B9D1: variants seen among roughly 807,000 people sequenced by gnomAD.
The protein encoded by B9D1 is B9 domain-containing protein 1.
In B9D1, 20 loss-of-function variants were observed where a neutral mutation model predicts 26.1. The observed-to-expected ratio is 0.77, with a 90% CI of 0.54 to 1.12. The LOEUF (loss-of-function observed/expected upper bound fraction) is 1.12, where lower values mean the gene tolerates loss of function less well. Ranked by LOEUF, B9D1 falls within the 50% of genes most tolerant of loss-of-function variation. The pLI, the probability that B9D1 is intolerant of heterozygous loss-of-function variation, is 0.00. For synonymous variants in B9D1, 105 were observed against 103.1 expected (o/e 1.02, Z -0.11); for missense variants, 260 against 273.7 (o/e 0.95, Z 0.35).
downstream of B9D1, chr17:19,341,399 CGTG>C (rs1567879032): frequency 4.6e-6 from 5 of 1,090,384 alleles, no homozygotes; most frequent in African/African-American, 6.5e-5. Flanking sequence ...TCCCATGACA[CGTG>C]GGGCACATGT....
At chr17:19,338,142 G>T (rs1284388960), downstream of B9D1, among the ~76,000 whole-genome samples, 2 of 152,244 alleles carry the variant, frequency 1.3e-5, no homozygotes, top group African/African-American at 2.4e-5. Context: ...CAGGGCAGGG[G>T]TCAGTACCCA....
At chr17:19,363,226 TAAAC>T (rs1911364086), upstream of B9D1, among the ~76,000 whole-genome samples, 1 of 152,192 alleles carries the variant, frequency 6.6e-6, no homozygotes, top group African/African-American at 2.4e-5. Context: ...AAAAGTTTAT[TAAAC>T]AAACTTGGGA....
At chr17:19,362,837 G>T, upstream of B9D1, 1 of 924,730 alleles carries the variant, frequency 1.1e-6, no homozygotes, top group Non-Finnish European at 1.6e-6. Flanking sequence ...GGGCGGGAGC[G>T]TTGACCTGTC....
rs752718131 is a variant in B9D1 at position 19,347,824 on chromosome 17, G to A, written c.301C>T (p.Arg101Ter). Residue 101 changes from arginine to a stop codon, truncating the protein, a stop_gained, in exon 4 of 7, where the codon CGA becomes TGA. Transcript: ENST00000261499. LOFTEE classifies it high-confidence loss of function. This position sits in a 1 kb window ranked among gnomAD's most constrained non-coding sequence, Gnocchi z 4.3. ...GGCACGTGCACGGCCCCATAGCCTCGAACCACATCGTTCCCGAACACATCT... is the reference window on the plus strand; with the variant it reads ...GGCACGTGCACGGCCCCATAGCCTCAAACCACATCGTTCCCGAACACATCT... ...GPDVFGNDVVRGYGAVHVPFS... is the reference protein window; with the variant it reads ...GPDVFGNDVV 6 of 1,614,072 alleles carry A rather than the reference G, an allele frequency of 3.7e-6. No individual in the cohort carries two copies. Among genetic ancestry groups the A allele is most frequent in the South Asian group, 3.3e-5 (3 of 91,066 alleles).
chr17:19,373,277 C>T (rs1911977195), intron 1 of B9D1, among the ~76,000 whole-genome samples: 1 of 152,208 alleles, frequency 6.6e-6, no homozygotes, highest in African/African-American at 2.4e-5. Flanking sequence ...TCTCAAAGCA[C>T]ATCAGCACCC....
chr17:19,361,317 T>G (rs998912299), intron 1 of B9D1, among the ~76,000 whole-genome samples: 1 of 152,142 alleles, frequency 6.6e-6, no homozygotes, highest in African/African-American at 2.4e-5. Context: ...CACCTGGTTT[T>G]CCACAAAACC....
chr17:19,353,729 TCA>T (rs1350497539), intron 3 of B9D1, among the ~76,000 whole-genome samples: 1 of 152,014 alleles, frequency 6.6e-6, no homozygotes, highest in African/African-American at 2.4e-5. Context: ...TCATTTGAGG[TCA>T]GGAGTTCGAG....
At chr17:19,345,437 A>G (rs1016999615) in intron 5 of B9D1, among the ~76,000 whole-genome samples, 3 of 152,166 alleles carry the variant, frequency 2.0e-5, no homozygotes, top group Non-Finnish European at 4.4e-5. Flanking sequence ...TAGTCCTGGG[A>G]AACCGTGCAC....
chr17:19,347,704 CT>C lies in B9D1; in HGVS notation c.341+79del. The C allele has an allele frequency of 5.6e-6, 8 of 1,420,734 alleles. No homozygotes were observed. The highest frequency in any genetic ancestry group is 7.8e-6 in the Non-Finnish European group (8 of 1,021,242). The allele number at this position is 1,420,734 out of a possible 1,614,324, so 88.0% of individuals were successfully genotyped here. ...CTGGAGACCCCAGAGCATTCCCAGCCTGAACCTAAGACAGAAAACGAGGTGA... is the reference window on the plus strand; with the variant it reads ...CTGGAGACCCCAGAGCATTCCCAGCCGAACCTAAGACAGAAAACGAGGTGA... On this transcript the variant is annotated intron_variant, in intron 4 of 6. Transcript: ENST00000261499. The surrounding 1 kb of genome is among the most constrained non-coding windows in gnomAD (Gnocchi z 4.3).
Position 19,343,197 on chromosome 17 carries a change from A to G in B9D1, c.*122T>C. The G allele has an allele frequency of 6.6e-7, 1 of 1,522,678 alleles. No individual in the cohort carries two copies. The highest frequency in any genetic ancestry group is 8.8e-7 in the Non-Finnish European group (1 of 1,142,536). 94.3% of individuals were successfully genotyped at this position (1,522,678 alleles called of 1,614,324 possible). A position where few individuals can be genotyped will look rare whatever the true frequency, so the allele number is the denominator to read the frequency against. On this transcript the variant is annotated 3_prime_UTR_variant, in exon 7 of 7. Transcript: ENST00000261499. Reference sequence around the variant, plus strand: ...GGCTCTCTGAAAATGAGACTTTATTATACAAAACTATTCTGTGTGCCCCCA... The same window carrying G: ...GGCTCTCTGAAAATGAGACTTTATTGTACAAAACTATTCTGTGTGCCCCCA...
At chr17:19,341,105 AT>A, downstream of B9D1, 1 of 1,225,094 alleles carries the variant, frequency 8.2e-7, no homozygotes, top group Non-Finnish European at 1.0e-6. Context: ...CATTTCAGTA[AT>A]GTTGAGAAAA....
intron 6 of B9D1, 52 bp downstream of exon 6, chr17:19,343,738 C>A (rs976630165): frequency 8.7e-6 from 14 of 1,613,098 alleles, no homozygotes; most frequent in Non-Finnish European, 1.2e-5. Context: ...CACCCACTCC[C>A]AGGCTGTAAC....
At chr17:19,351,285 A>T (rs1226035815) in intron 3 of B9D1, among the ~76,000 whole-genome samples, 3 of 152,078 alleles carry the variant, frequency 2.0e-5, no homozygotes, top group Non-Finnish European at 4.4e-5. Flanking sequence ...CCAACTATAG[A>T]TGTCATAAAA....
chr17:19,365,797 G>A (rs1911561423), upstream of B9D1, among the ~76,000 whole-genome samples: 1 of 152,000 alleles, frequency 6.6e-6, no homozygotes, highest in Admixed American at 6.6e-5. The surrounding 1 kb of genome is among the most constrained non-coding windows in gnomAD (Gnocchi z 5.0). Context: ...GTTGTTGTGA[G>A]GATTAAATGT....
downstream of B9D1, chr17:19,343,146 C>T (rs781361422): frequency 1.4e-6 from 2 of 1,439,478 alleles, no homozygotes; most frequent in Admixed American, 5.4e-5. Flanking sequence ...AGGGGCTAAA[C>T]AGGAGAGAAG....
At chr17:19,362,907 T>A, upstream of B9D1, 1 of 428,680 alleles carries the variant, frequency 2.3e-6, no homozygotes, top group African/African-American at 2.0e-5. Flanking sequence ...GTGTTCACTC[T>A]GACTCGGCCC....
intron 3 of B9D1, 56 bp downstream of exon 3, chr17:19,357,784 G>T: frequency 1.6e-6 from 2 of 1,265,174 alleles, no homozygotes; most frequent in Non-Finnish European, 1.2e-6. Context: ...AGGCTGTCTT[G>T]GGGGTGCTGT....
chr17:19,347,201 G>A lies in B9D1; in HGVS notation c.404+68C>T, dbSNP rs964788767. The A allele has an allele frequency of 2.5e-6, 4 of 1,614,056 alleles. No homozygotes were observed. In the African/African-American group the frequency reaches 5.3e-5, roughly 22 times the overall value. ...GAGGAGGCGACCAGGCACAAACTGA[G>A]GGGTAGAATGGGACATCCATTCATC... is the stretch of plus-strand genomic sequence containing the variant. On this transcript the variant is annotated intron_variant, in intron 5 of 6. Coordinates refer to ENST00000261499, the MANE Select transcript of B9D1 (RefSeq NM_015681.6). This position sits in a 1 kb window ranked among gnomAD's most constrained non-coding sequence, Gnocchi z 4.3.
upstream of B9D1, among the ~76,000 whole-genome samples, chr17:19,366,232 G>A (rs1366223702): frequency 6.6e-6 from 1 of 151,712 alleles, no homozygotes; most frequent in Non-Finnish European, 1.5e-5. Context: ...CTGGTCATCG[G>A]GGTCCACCCT....
Sources: allele counts gnomAD v4.1 joint callset (sites outside exome capture counted in the v4.1 genomes callset), GRCh38; gene constraint gnomAD v4.1.1; non-coding constraint Gnocchi (gnomAD v3.1); transcripts MANE v1.5; gene names NCBI Gene and HGNC (gene_info 2026-07-23, HGNC 2026-07-21).